The following CDH12 variants were observed in gnomAD, a reference collection of about 807,000 sequenced individuals.
The protein encoded by CDH12 is cadherin 12.
In CDH12, 41 loss-of-function variants were observed where a neutral mutation model predicts 74.1. That is an observed-to-expected ratio of 0.55 (90% CI 0.43 to 0.72). The LOEUF is 0.72. CDH12 is among the 30% of genes least tolerant of loss of function. The probability of loss-of-function intolerance (pLI) is 0.00; values close to 1 mark genes in which losing one functional copy is unlikely to be tolerated. For missense variants in CDH12, 945 were observed against 977.2 expected (o/e 0.97, Z 0.44); for synonymous variants, 399 against 355.0 (o/e 1.12, Z -1.39).
At chr5:21,778,532 T>G (rs956146227) in intron 11 of CDH12, among the ~76,000 whole-genome samples, 9 of 151,130 alleles carry the variant, frequency 6.0e-5, no homozygotes, top group African/African-American at 1.5e-4. Flanking sequence ...TTTTTTTTTT[T>G]TTTTGTTTAA....
chr5:22,691,873 G>C (rs1212603710), intron 1 of CDH12, among the ~76,000 whole-genome samples: 1 of 152,018 alleles, frequency 6.6e-6, no homozygotes, highest in East Asian at 1.9e-4. Flanking sequence ...AAAAAAAGAA[G>C]GATAAATAGA....
chr5:22,749,751 T>C (rs983526950), intron 1 of CDH12, among the ~76,000 whole-genome samples: 3 of 152,200 alleles, frequency 2.0e-5, no homozygotes. Flanking sequence ...AATTTGAAAA[T>C]GGACAGTTAG....
chr5:21,847,374 C>T (rs1290356440), intron 7 of CDH12, among the ~76,000 whole-genome samples: 6 of 151,964 alleles, frequency 3.9e-5, no homozygotes, highest in Non-Finnish European at 1.5e-5. Flanking sequence ...AACAAATTAC[C>T]ACAAACCTAC....
chr5:21,959,127 A>AT (rs1756230735), intron 6 of CDH12, among the ~76,000 whole-genome samples: 1 of 152,176 alleles, frequency 6.6e-6, no homozygotes, highest in African/African-American at 2.4e-5. Flanking sequence ...AATGCTAGTG[A>AT]TTTTTGTACA....
chr5:22,228,431 T>TG (rs1752269426), intron 3 of CDH12, among the ~76,000 whole-genome samples: 1 of 152,174 alleles, frequency 6.6e-6, no homozygotes, highest in Non-Finnish European at 1.5e-5. Context: ...TTTGTAACTA[T>TG]GTTAACATTT....
At chr5:22,290,015 C>T (rs1293894932) in intron 3 of CDH12, among the ~76,000 whole-genome samples, 1 of 152,040 alleles carries the variant, frequency 6.6e-6, no homozygotes, top group Admixed American at 6.6e-5. Flanking sequence ...ACAATGAGCC[C>T]CAGGTATCTG....
chr5:22,478,375 G>A (rs1254287065), intron 2 of CDH12, among the ~76,000 whole-genome samples: 4 of 125,702 alleles, frequency 3.2e-5, no homozygotes, highest in Admixed American at 1.0e-4. Context: ...CAGAGACCGC[G>A]CCACTGCCCT....
intron 1 of CDH12, among the ~76,000 whole-genome samples, chr5:22,532,369 ATATATATATG>A (rs200736931): frequency 0.2 from 21,293 of 105,766 alleles, 3,807 homozygotes; most frequent in East Asian, 0.46. Flanking sequence ...ATATATATAT[ATATATATATG>A]TATGTATCCT....
chr5:22,534,254 G>A (rs982142591), intron 1 of CDH12, among the ~76,000 whole-genome samples: 1 of 151,772 alleles, frequency 6.6e-6, no homozygotes, highest in Non-Finnish European at 1.5e-5. Context: ...TTGGTTACAT[G>A]AGTACGTTAT....
intron 5 of CDH12, among the ~76,000 whole-genome samples, chr5:22,050,493 A>G (rs1740285257): frequency 6.6e-6 from 1 of 152,146 alleles, no homozygotes. Context: ...TTAGCAATCT[A>G]CTGGCTATTA....
chr5:22,085,511 C>T (rs1055387844), intron 4 of CDH12, among the ~76,000 whole-genome samples: 1 of 151,994 alleles, frequency 6.6e-6, no homozygotes, highest in African/African-American at 2.4e-5. Context: ...GGTGACTATG[C>T]TTGTGGTCTA....
intron 2 of CDH12, among the ~76,000 whole-genome samples, chr5:22,426,240 G>T (rs147074493): frequency 1.3e-5 from 2 of 148,238 alleles, no homozygotes; most frequent in East Asian, 3.9e-4. Flanking sequence ...TCTTTTTCAG[G>T]TGTCTTATTT....
At chr5:22,098,098 C>T (rs1743905632) in intron 4 of CDH12, among the ~76,000 whole-genome samples, 1 of 152,126 alleles carries the variant, frequency 6.6e-6, no homozygotes, top group South Asian at 2.1e-4. Flanking sequence ...AACATGCTTC[C>T]TTTACTATTC....
chr5:21,783,418 C>A lies in CDH12; in HGVS notation c.1333G>T (p.Glu445Ter). ...GCAGTGCTTTCTCTGTCTAGTAATT[C>A]ATTAGTGGCGATGGTTCCTTCATTT... The part of the protein sequence containing the change: ...DGNEGTIATN[E>*]LLDRESTAQY... Residue 445 changes from glutamate (E) to a stop codon, truncating the protein, a stop_gained, in exon 11 of 15, where the codon GAA (glutamate) becomes TAA (stop). Coordinates refer to ENST00000382254, the MANE Select transcript of CDH12 (RefSeq NM_004061.5). LOFTEE classifies it high-confidence loss of function. 1 of 1,611,190 alleles carries A rather than the reference C, an allele frequency of 6.2e-7. No homozygotes were observed. The highest frequency in any genetic ancestry group is 8.5e-7 in the Non-Finnish European group (1 of 1,177,396).
intron 1 of CDH12, among the ~76,000 whole-genome samples, chr5:22,594,859 T>G (rs1400631466): frequency 6.6e-6 from 1 of 152,196 alleles, no homozygotes; most frequent in East Asian, 1.9e-4. Context: ...TTTCAGAAAT[T>G]TAGTGCAAAA....
At chr5:21,910,183 T>A (rs1753803017) in intron 6 of CDH12, among the ~76,000 whole-genome samples, 1 of 152,100 alleles carries the variant, frequency 6.6e-6, no homozygotes. Flanking sequence ...GCATCCCACA[T>A]GCATTATTCA....
chr5:22,168,895 T>TTC (rs1299336367), intron 4 of CDH12, among the ~76,000 whole-genome samples: 1 of 148,752 alleles, frequency 6.7e-6, no homozygotes, highest in Non-Finnish European at 1.5e-5. Flanking sequence ...GCACACATCT[T>TTC]CCCTAGTGAC....
intron 1 of CDH12, among the ~76,000 whole-genome samples, chr5:22,551,729 AAAAT>A (rs138715311): frequency 0.17 from 25,958 of 152,080 alleles, 2,271 homozygotes; most frequent in Middle Eastern, 0.23. Flanking sequence ...CATTATAAAA[AAAAT>A]AAATAAACCA....
At chr5:22,451,310 T>C (rs925496515) in intron 2 of CDH12, among the ~76,000 whole-genome samples, 5 of 151,954 alleles carry the variant, frequency 3.3e-5, no homozygotes, top group Admixed American at 6.6e-5. Context: ...AACAAGCACA[T>C]TAAATTTATT....
Sources: allele counts gnomAD v4.1 joint callset (sites outside exome capture counted in the v4.1 genomes callset), GRCh38; gene constraint gnomAD v4.1.1; transcripts MANE v1.5; gene names NCBI Gene and HGNC (gene_info 2026-07-23, HGNC 2026-07-21).